PTPRO: variants seen among roughly 807,000 people sequenced by gnomAD.
PTPRO encodes the protein receptor-type tyrosine-protein phosphatase O.
PTPRO carries 62 observed loss-of-function variants against 145.2 expected under a neutral mutation model. The observed-to-expected ratio is 0.43, with a 90% CI of 0.35 to 0.53. The LOEUF (loss-of-function observed/expected upper bound fraction) is 0.53, where lower values mean the gene tolerates loss of function less well. Ranked by LOEUF, PTPRO falls within the 20% of genes least tolerant of loss-of-function variation. The pLI is 0.01. For synonymous variants in PTPRO, 565 were observed against 514.7 expected, an observed-to-expected ratio of 1.10 and a Z score of -1.32; for missense variants, 1,345 against 1,482.7, an observed-to-expected ratio of 0.91 and a Z score of 1.53.
chr12:15,398,647 G>C (rs1451932879), intron 1 of PTPRO, among the ~76,000 whole-genome samples: 1 of 151,784 alleles, frequency 6.6e-6, no homozygotes, highest in Non-Finnish European at 1.5e-5. Flanking sequence ...TGGAATATCT[G>C]TTCGGTTTCA....
intron 7 of PTPRO, among the ~76,000 whole-genome samples, chr12:15,514,255 C>T (rs901654645): frequency 1.3e-5 from 2 of 151,898 alleles, no homozygotes; most frequent in African/African-American, 2.4e-5. Flanking sequence ...GTCCAGAGAC[C>T]AGCCTGGCCA....
intron 15 of PTPRO, among the ~76,000 whole-genome samples, chr12:15,555,250 A>G (rs1943589732): frequency 6.6e-6 from 1 of 152,212 alleles, no homozygotes. Context: ...CAGGAAAAAA[A>G]AAATTGAGAG....
chr12:15,422,015 T>A (rs995088311), intron 1 of PTPRO, among the ~76,000 whole-genome samples: 9 of 151,938 alleles, frequency 5.9e-5, no homozygotes, highest in African/African-American at 2.2e-4. Flanking sequence ...AAAACAAATA[T>A]GAAGCTCGCC....
At chr12:15,493,136 T>C (rs1224387881) in intron 2 of PTPRO, among the ~76,000 whole-genome samples, 1 of 152,196 alleles carries the variant, frequency 6.6e-6, no homozygotes, top group Admixed American at 6.5e-5. Flanking sequence ...ATGACTATTC[T>C]ACTGACAGAA....
chr12:15,420,380 C>T (rs1940111456), intron 1 of PTPRO, among the ~76,000 whole-genome samples: 1 of 151,540 alleles, frequency 6.6e-6, no homozygotes, highest in South Asian at 2.1e-4. Flanking sequence ...CCATTGCTAC[C>T]GCCAGTGTCT....
intron 1 of PTPRO, among the ~76,000 whole-genome samples, chr12:15,413,182 C>T (rs1054531410): frequency 3.3e-5 from 5 of 152,150 alleles, no homozygotes; most frequent in Non-Finnish European, 5.9e-5. Context: ...CCTCTGCCCC[C>T]CAGGTTCAAG....
chr12:15,433,095 C>T (rs1167082036), intron 1 of PTPRO, among the ~76,000 whole-genome samples: 5 of 151,956 alleles, frequency 3.3e-5, no homozygotes, highest in South Asian at 4.2e-4. Context: ...GATGTCTTCA[C>T]CATGAAATCT....
At chr12:15,554,199 A>G (rs948528497) in intron 15 of PTPRO, among the ~76,000 whole-genome samples, 4 of 151,978 alleles carry the variant, frequency 2.6e-5, no homozygotes, top group African/African-American at 9.7e-5. Flanking sequence ...ACAAAAAAAG[A>G]GAGTTGAGGC....
chr12:15,387,191 A>T (rs1009088410), intron 1 of PTPRO, among the ~76,000 whole-genome samples: 5 of 152,148 alleles, frequency 3.3e-5, no homozygotes, highest in Non-Finnish European at 5.9e-5. Flanking sequence ...GCTTGCAGGG[A>T]TCATTGAAAT....
intron 1 of PTPRO, among the ~76,000 whole-genome samples, chr12:15,439,014 C>G (rs546974793): frequency 2.0e-5 from 3 of 152,164 alleles, no homozygotes; most frequent in African/African-American, 7.2e-5. Flanking sequence ...AGGTAAAGAT[C>G]TTAAAGATCT....
In PTPRO at chr12:15,488,084, G is replaced by C. The variant is rs141790819; in HGVS notation, c.349+3837G>C. ...GTTCACTTGCTACCTCACCTCTCCT[G>C]TAACCTCAAGAATAGTTATGATTTC... On this transcript the variant is annotated intron_variant, in intron 2 of 26. Coordinates refer to ENST00000281171, the MANE Select transcript of PTPRO (RefSeq NM_030667.3). 2.7e-3 allele frequency among the ~76,000 whole-genome samples: 404 copies of C among 152,240 alleles called. 3 individuals carry two copies. Among genetic ancestry groups the C allele is most frequent in the African/African-American group, 9.3e-3 (387 of 41,552 alleles).
At chr12:15,534,335 C>G (rs903862124) in intron 12 of PTPRO, among the ~76,000 whole-genome samples, 2 of 152,134 alleles carry the variant, frequency 1.3e-5, no homozygotes, top group Non-Finnish European at 2.9e-5. Context: ...ACGTGTTGGA[C>G]ACATCACAAA....
intron 1 of PTPRO, among the ~76,000 whole-genome samples, chr12:15,419,169 G>T (rs764594188): frequency 6.7e-6 from 1 of 150,344 alleles, no homozygotes; most frequent in East Asian, 2.0e-4. Context: ...AGATATTCAT[G>T]CGCTTATTGA....
At chr12:15,523,135 A>G (rs1942762446) in intron 10 of PTPRO, among the ~76,000 whole-genome samples, 1 of 152,254 alleles carries the variant, frequency 6.6e-6, no homozygotes, top group Non-Finnish European at 1.5e-5. Flanking sequence ...ACATGAAACA[A>G]ATGCATTTTT....
intron 1 of PTPRO, among the ~76,000 whole-genome samples, chr12:15,331,707 G>C (rs1356945834): frequency 6.6e-6 from 1 of 152,140 alleles, no homozygotes; most frequent in Non-Finnish European, 1.5e-5. Context: ...CCCAAAATGT[G>C]CTCCACAGTA....
intron 1 of PTPRO, among the ~76,000 whole-genome samples, chr12:15,391,277 G>C (rs1474345093): frequency 6.6e-6 from 1 of 152,150 alleles, no homozygotes; most frequent in African/African-American, 2.4e-5. Context: ...AAAAGGTTTA[G>C]TACCAGTTAT....
intron 1 of PTPRO, among the ~76,000 whole-genome samples, chr12:15,424,667 T>C (rs1940235322): frequency 6.6e-6 from 1 of 151,992 alleles, no homozygotes. Context: ...CTGATAAGGT[T>C]ATGAAGGTAT....
intron 1 of PTPRO, among the ~76,000 whole-genome samples, chr12:15,437,299 G>A (rs1327556666): frequency 1.3e-5 from 2 of 151,746 alleles, no homozygotes; most frequent in African/African-American, 4.8e-5. Context: ...TAGTTCAGCA[G>A]CCAGAGTCAC....
At chr12:15,503,818 C>A in intron 5 of PTPRO, 90 bp from the exon 6 acceptor site, 1 of 1,044,146 alleles carries the variant, frequency 9.6e-7, no homozygotes, top group Non-Finnish European at 1.4e-6. Context: ...ATTTAAAACA[C>A]CTAATTTTTT....
Sources: allele counts gnomAD v4.1 joint callset (sites outside exome capture counted in the v4.1 genomes callset), GRCh38; gene constraint gnomAD v4.1.1; transcripts MANE v1.5; gene names NCBI Gene and HGNC (gene_info 2026-07-23, HGNC 2026-07-21).